Variants in DNAJC10 observed in about 807,000 individuals in gnomAD.
DNAJC10 encodes the protein DnaJ heat shock protein family (Hsp40) member C10.
A neutral mutation model predicts 115.0 loss-of-function variants in DNAJC10; 101 were observed. That is an observed-to-expected ratio of 0.88 (90% CI 0.75 to 1.04). The LOEUF (loss-of-function observed/expected upper bound fraction) is 1.04, where lower values mean the gene tolerates loss of function less well. Among genes scored for constraint, DNAJC10 ranks in the 50% least tolerant of loss-of-function variants. The pLI, the probability that DNAJC10 is intolerant of heterozygous loss-of-function variation, is 0.00. For synonymous variants in DNAJC10, 307 were observed against 301.5 expected (o/e 1.02, Z -0.19); for missense variants, 981 against 928.8 (o/e 1.06, Z -0.73).
intron 5 of DNAJC10, 100 bp from the exon 6 acceptor site, chr2:182,728,476 G>A: frequency 1.5e-6 from 1 of 687,170 alleles, no homozygotes. Context: ...AAAATTGCAT[G>A]ACTTTTTAAA....
intron 3 of DNAJC10, among the ~76,000 whole-genome samples, chr2:182,718,576 T>A (rs1693060369): frequency 2.0e-5 from 3 of 152,222 alleles, no homozygotes; most frequent in Admixed American, 6.5e-5. Context: ...CGTGAAGTAG[T>A]TGAAGTAGTT....
At position 182,732,556 on chromosome 2, in the gene DNAJC10, A is replaced by G. The variant is rs1263641103; in HGVS notation, c.849+14A>G. ...AGTGGCATGTTGGTAAGCATCAATC[A>G]TTTTGTAAAACTATATCACCATGTA... On this transcript the variant is annotated intron_variant, in intron 10 of 23. Coordinates refer to ENST00000264065, the MANE Select transcript of DNAJC10 (RefSeq NM_018981.4). 6.2e-7 allele frequency: 1 copy of G among 1,612,062 alleles called. No homozygotes were observed. Among genetic ancestry groups the G allele is most frequent in the Admixed American group, 1.7e-5 (1 of 59,842 alleles).
chr2:182,737,979 A>C lies in DNAJC10; in HGVS notation c.987+1593A>C, dbSNP rs189931651. On this transcript the variant is annotated intron_variant, in intron 11 of 23. Transcript: ENST00000264065. ...GATTGCATAGTAGATTCTATTTTGT[A>C]ATCTAGTTTTTTCACTCAGTGTATC... 4.2e-3 allele frequency among the ~76,000 whole-genome samples: 642 copies of C among 152,298 alleles called. 15 individuals are homozygous for C. Among genetic ancestry groups the C allele is most frequent in the East Asian group, 3.9e-3 (20 of 5,184 alleles).
At chr2:182,765,250 A>C (rs759010175) in intron 22 of DNAJC10, among the ~76,000 whole-genome samples, 4 of 152,164 alleles carry the variant, frequency 2.6e-5, no homozygotes, top group Non-Finnish European at 5.9e-5. Context: ...GGGGATTACT[A>C]GACAATAAAA....
At chr2:182,718,523 C>A (rs544152334) in intron 3 of DNAJC10, among the ~76,000 whole-genome samples, 26 of 152,230 alleles carry the variant, frequency 1.7e-4, no homozygotes, top group African/African-American at 6.0e-4. Flanking sequence ...GATTTTCCAA[C>A]AATTCTATTA....
At chr2:182,759,935 C>G (rs1014834692) in intron 21 of DNAJC10, among the ~76,000 whole-genome samples, 1 of 152,108 alleles carries the variant, frequency 6.6e-6, no homozygotes, top group Non-Finnish European at 1.5e-5. Context: ...CAACACAGTT[C>G]AAGCCTTTGT....
At chr2:182,768,335 A>C (rs1694469623) in intron 22 of DNAJC10, among the ~76,000 whole-genome samples, 1 of 152,204 alleles carries the variant, frequency 6.6e-6, no homozygotes. Context: ...AGATAATATC[A>C]GAGAAGTATC....
Position 182,728,890 on chromosome 2 carries a change from G to C in DNAJC10, c.529G>C (p.Gly177Arg). ...GAGAGACTTTGCTAAAGAAGTGGAT[G>C]GGTTACTTCGAATTGGAGCTGTTAA... is the stretch of plus-strand genomic sequence containing the variant. ...TWRDFAKEVD[G>R]LLRIGAVNCG... is the part of the protein sequence containing the mutation. Residue 177 changes from glycine to arginine, a missense_variant, in exon 7 of 24, where the codon GGG becomes CGG. Gly to Arg is a moderately radical substitution (Grantham distance 125, BLOSUM62 -2). Coordinates refer to ENST00000264065, the MANE Select transcript of DNAJC10 (RefSeq NM_018981.4). The C allele has an allele frequency of 6.2e-7, 1 of 1,613,992 alleles. No homozygotes were observed. Among genetic ancestry groups the C allele is most frequent in the Non-Finnish European group, 8.5e-7 (1 of 1,179,932 alleles).
At chr2:182,765,243 G>T (rs1227156199) in intron 22 of DNAJC10, among the ~76,000 whole-genome samples, 1 of 152,060 alleles carries the variant, frequency 6.6e-6, no homozygotes, top group African/African-American at 2.4e-5. Flanking sequence ...AAAAAAGGGG[G>T]ATTACTAGAC....
chr2:182,735,499 G>A (rs1011498715), intron 10 of DNAJC10, among the ~76,000 whole-genome samples: 60 of 151,820 alleles, frequency 4.0e-4, no homozygotes, highest in African/African-American at 1.4e-3. Flanking sequence ...ATATACATAG[G>A]TCTTGAGTTT....
rs1694952178 is a variant in DNAJC10, at chr2:182,786,675, C to G, written c.*9543C>G. 6.6e-6 allele frequency: 1 copy of G among 152,310 alleles called. No homozygotes were observed. Among genetic ancestry groups the G allele is most frequent in the Non-Finnish European group, 1.5e-5 (1 of 68,126 alleles). The allele number at this position is 152,310 out of a possible 1,614,324, so 9.4% of individuals were successfully genotyped here. ...CTTCCACCCTTGTGTCCTTCAAACCCCATTCTTGCCAAAGCCAAGTTCTCT... is the reference window on the plus strand; with the variant it reads ...CTTCCACCCTTGTGTCCTTCAAACCGCATTCTTGCCAAAGCCAAGTTCTCT... On this transcript the variant is annotated 3_prime_UTR_variant, in exon 24 of 24. Transcript: ENST00000264065.
rs1027396137 is a variant in DNAJC10 at position 182,752,122 on chromosome 2, T to A, written c.1485T>A (p.Asn495Lys). ...TACCAGAGTTACGAAGAGCATCAAA[T>A]CTTCTTTATGGTCAGCTTAAGTTTG... is the stretch of plus-strand genomic sequence containing the variant. ...ALLPELRRASNLLYGQLKFGT... is the reference protein window; with the variant it reads ...ALLPELRRASKLLYGQLKFGT... Residue 495 changes from asparagine (N) to lysine (K), a missense_variant, in exon 16 of 24, where the codon AAT becomes AAA. Coordinates refer to ENST00000264065, the MANE Select transcript of DNAJC10 (RefSeq NM_018981.4). 53 of 1,613,690 alleles carry A rather than the reference T, an allele frequency of 3.3e-5. No individual in the cohort carries two copies. Among genetic ancestry groups the A allele is most frequent in the Non-Finnish European group, 4.4e-5 (52 of 1,179,870 alleles).
chr2:182,739,850 G>A (rs1036742234), intron 11 of DNAJC10: 2 of 989,986 alleles, frequency 2.0e-6, no homozygotes, highest in Admixed American at 1.2e-4. Context: ...GGAATGAAGT[G>A]TCTTTGATAG....
chr2:182,754,567 A>T (rs991628266), intron 16 of DNAJC10: 2 of 159,528 alleles, frequency 1.3e-5, no homozygotes, highest in African/African-American at 4.8e-5. Flanking sequence ...CCCCCTAATT[A>T]TTTGTGTCTT....
intron 11 of DNAJC10, 148 bp from the exon 12 acceptor site, chr2:182,740,150 GA>G: frequency 8.6e-7 from 1 of 1,156,316 alleles, no homozygotes; most frequent in Non-Finnish European, 1.1e-6. Flanking sequence ...CACTTTTTTT[GA>G]AAAAAGACAT....
At chr2:182,743,463 T>G in intron 13 of DNAJC10, 135 bp from the exon 14 acceptor site, 1 of 622,486 alleles carries the variant, frequency 1.6e-6, no homozygotes. Context: ...TTTCTGTCTC[T>G]TATTTTCGTA....
chr2:182,772,599 G>C (rs1694596254), intron 22 of DNAJC10, among the ~76,000 whole-genome samples: 1 of 152,026 alleles, frequency 6.6e-6, no homozygotes, highest in Admixed American at 6.6e-5. Context: ...GATCTTTGTT[G>C]GTTTAAAATC....
intron 9 of DNAJC10, among the ~76,000 whole-genome samples, 196 bp from the exon 10 acceptor site, chr2:182,732,303 C>T (rs1253830843): frequency 6.8e-6 from 1 of 147,282 alleles, no homozygotes; most frequent in Non-Finnish European, 1.5e-5. Flanking sequence ...AAAGAGGGAG[C>T]GAGGGAGTGT....
chr2:182,735,237 C>T (rs535588315), intron 10 of DNAJC10, among the ~76,000 whole-genome samples: 1 of 151,522 alleles, frequency 6.6e-6, no homozygotes, highest in African/African-American at 2.4e-5. Flanking sequence ...TACATGTATC[C>T]TGACTTACTC....
Sources: allele counts gnomAD v4.1 joint callset (sites outside exome capture counted in the v4.1 genomes callset), GRCh38; gene constraint gnomAD v4.1.1; transcripts MANE v1.5; gene names NCBI Gene and HGNC (gene_info 2026-07-23, HGNC 2026-07-21).